Variants in HS3ST5 observed in about 807,000 individuals in gnomAD.
The protein encoded by HS3ST5 is heparan sulfate-glucosamine 3-sulfotransferase 5.
In HS3ST5, 10 loss-of-function variants were observed where a neutral mutation model predicts 25.4. The observed-to-expected ratio is 0.39, with a 90% CI of 0.24 to 0.67. The LOEUF (loss-of-function observed/expected upper bound fraction) is 0.67. HS3ST5 is among the 30% of genes least tolerant of loss of function. The pLI is 0.44. For synonymous variants in HS3ST5, 170 were observed against 162.4 expected (o/e 1.05, Z -0.36); for missense variants, 324 against 420.7 (o/e 0.77, Z 2.01).
intron 3 of HS3ST5, among the ~76,000 whole-genome samples, chr6:114,073,340 C>A (rs1773937127): frequency 6.6e-6 from 1 of 152,156 alleles, no homozygotes; most frequent in Admixed American, 6.5e-5. Flanking sequence ...AAACTATCAT[C>A]AGAGTGAACA....
intron 1 of HS3ST5, among the ~76,000 whole-genome samples, chr6:114,275,681 A>G (rs1773820959): frequency 6.6e-6 from 1 of 152,074 alleles, no homozygotes; most frequent in African/African-American, 2.4e-5. Context: ...ATAGCATGAA[A>G]GCAGCCATCC....
At chr6:114,279,338 G>T (rs1774001786) in intron 1 of HS3ST5, among the ~76,000 whole-genome samples, 1 of 152,040 alleles carries the variant, frequency 6.6e-6, no homozygotes, top group Non-Finnish European at 1.5e-5. Flanking sequence ...TAGTACAAGA[G>T]AAATAAGGAG....
At chr6:114,273,071 T>C (rs758771812) in intron 1 of HS3ST5, among the ~76,000 whole-genome samples, 1 of 151,970 alleles carries the variant, frequency 6.6e-6, no homozygotes, top group Non-Finnish European at 1.5e-5. Context: ...GCTGGCTGTG[T>C]TGAAAATTAA....
At chr6:114,060,008 A>G (rs1455974521) in intron 4 of HS3ST5, among the ~76,000 whole-genome samples, 1 of 143,708 alleles carries the variant, frequency 7.0e-6, no homozygotes, top group Non-Finnish European at 1.6e-5. Flanking sequence ...GAAAATATAG[A>G]CAACTTTTTT....
At chr6:114,166,874 T>TA (rs1389863378) in intron 3 of HS3ST5, among the ~76,000 whole-genome samples, 8 of 152,158 alleles carry the variant, frequency 5.3e-5, no homozygotes, top group African/African-American at 1.9e-4. Flanking sequence ...ATTAGCTCAC[T>TA]AAAAAAAGGT....
chr6:114,169,370 G>T (rs1242219907), intron 2 of HS3ST5, among the ~76,000 whole-genome samples: 1 of 152,120 alleles, frequency 6.6e-6, no homozygotes, highest in Non-Finnish European at 1.5e-5. Context: ...CTAATAGCCA[G>T]CTACTGAGTC....
chr6:114,308,775 GAACA>G (rs558316458), intron 1 of HS3ST5, among the ~76,000 whole-genome samples: 67 of 152,218 alleles, frequency 4.4e-4, no homozygotes, highest in Middle Eastern at 3.4e-3. Context: ...AGAAATGAGT[GAACA>G]AATAGATCAG....
At chr6:114,215,237 C>T (rs959302946) in intron 2 of HS3ST5, among the ~76,000 whole-genome samples, 9 of 152,112 alleles carry the variant, frequency 5.9e-5, no homozygotes, top group African/African-American at 2.2e-4. Context: ...ATCCGGGAGG[C>T]GGAGCTTCCA....
intron 3 of HS3ST5, among the ~76,000 whole-genome samples, chr6:114,147,332 A>T (rs539322787): frequency 6.6e-6 from 1 of 152,140 alleles, no homozygotes; most frequent in Non-Finnish European, 1.5e-5. Flanking sequence ...CTGAATTCTC[A>T]CTGATAGAAC....
At chr6:114,101,633 T>C (rs528571528) in intron 3 of HS3ST5, among the ~76,000 whole-genome samples, 148 of 152,318 alleles carry the variant, frequency 9.7e-4, no homozygotes, top group African/African-American at 3.4e-3. Flanking sequence ...TTGTGGAAAG[T>C]AGTTTGGCAA....
intron 2 of HS3ST5, among the ~76,000 whole-genome samples, chr6:114,223,319 T>C (rs1782128388): frequency 6.6e-6 from 1 of 151,770 alleles, no homozygotes; most frequent in South Asian, 2.1e-4. Flanking sequence ...AGAAAGGCAA[T>C]TCAACTGTAT....
chr6:114,306,249 A>G (rs1283491509), intron 1 of HS3ST5, among the ~76,000 whole-genome samples: 1 of 110,000 alleles, frequency 9.1e-6, no homozygotes, highest in African/African-American at 4.0e-5. Context: ...ATATATATAT[A>G]TATATATACA....
At chr6:114,297,483 G>T (rs140859043) in intron 1 of HS3ST5, among the ~76,000 whole-genome samples, 1 of 152,138 alleles carries the variant, frequency 6.6e-6, no homozygotes, top group Non-Finnish European at 1.5e-5. Context: ...GGGAAAGCAG[G>T]CTTCATGGGG....
At chr6:114,067,892 A>G (rs1773556633) in intron 3 of HS3ST5, among the ~76,000 whole-genome samples, 1 of 152,056 alleles carries the variant, frequency 6.6e-6, no homozygotes, top group African/African-American at 2.4e-5. Flanking sequence ...TGTAATGGAA[A>G]TTTTCTGAGT....
At chr6:114,138,029 T>C (rs1234495860) in intron 3 of HS3ST5, among the ~76,000 whole-genome samples, 1 of 152,120 alleles carries the variant, frequency 6.6e-6, no homozygotes, top group Non-Finnish European at 1.5e-5. Context: ...GCACTAGCAT[T>C]TTATAGATTA....
intron 3 of HS3ST5, among the ~76,000 whole-genome samples, chr6:114,096,460 T>A (rs1775431878): frequency 6.6e-6 from 1 of 152,152 alleles, no homozygotes; most frequent in African/African-American, 2.4e-5. Flanking sequence ...TTTTTCACAG[T>A]GAATCTCCAA....
chr6:114,331,156 G>A (rs546543257), intron 1 of HS3ST5, among the ~76,000 whole-genome samples: 6 of 152,248 alleles, frequency 3.9e-5, no homozygotes, highest in Middle Eastern at 6.8e-3. Flanking sequence ...ACAGTAAACC[G>A]CATGGTTGCA....
At chr6:114,307,261 T>C (rs1016077702) in intron 1 of HS3ST5, among the ~76,000 whole-genome samples, 7 of 152,164 alleles carry the variant, frequency 4.6e-5, no homozygotes, top group Admixed American at 2.6e-4. Context: ...TTACTCACTT[T>C]ACTAGTAGTT....
chr6:114,237,068 T>A (rs1204572596), intron 1 of HS3ST5, among the ~76,000 whole-genome samples: 5 of 152,204 alleles, frequency 3.3e-5, no homozygotes, highest in Non-Finnish European at 7.4e-5. Flanking sequence ...CTTCTTGACT[T>A]ACATAAAATG....
Sources: allele counts gnomAD v4.1 joint callset (sites outside exome capture counted in the v4.1 genomes callset), GRCh38; gene constraint gnomAD v4.1.1; transcripts MANE v1.5; gene names NCBI Gene and HGNC (gene_info 2026-07-23, HGNC 2026-07-21).